CACNG5: variants seen among roughly 807,000 people sequenced by gnomAD.
The protein encoded by CACNG5 is calcium voltage-gated channel auxiliary subunit gamma 5.
A neutral mutation model predicts 24.8 loss-of-function variants in CACNG5; 18 were observed. The observed-to-expected ratio is 0.73, with a 90% CI of 0.50 to 1.08. The LOEUF (loss-of-function observed/expected upper bound fraction) is 1.08, where lower values mean the gene tolerates loss of function less well. Ranked by LOEUF, CACNG5 falls within the 50% of genes least tolerant of loss-of-function variation. The pLI, the probability that CACNG5 is intolerant of heterozygous loss-of-function variation, is 0.00. For missense variants in CACNG5, 349 were observed against 367.9 expected, an observed-to-expected ratio of 0.95 and a Z score of 0.42; for synonymous variants, 157 against 149.1, an observed-to-expected ratio of 1.05 and a Z score of -0.39.
intron 1 of CACNG5, among the ~76,000 whole-genome samples, chr17:66,859,643 G>T (rs1598051882): frequency 1.3e-5 from 2 of 152,232 alleles, no homozygotes; most frequent in South Asian, 4.1e-4. Context: ...AGCCAGATTG[G>T]TTTCCCTCCC....
intron 1 of CACNG5, among the ~76,000 whole-genome samples, chr17:66,865,220 G>A (rs1225725196): frequency 6.8e-6 from 1 of 148,008 alleles, no homozygotes; most frequent in Non-Finnish European, 1.5e-5. Flanking sequence ...ATTTTTTAAT[G>A]TTATTTTTGT....
Position 66,892,151 on chromosome 17 carries a change from G to A in CACNG5, c.*6911G>A, listed in dbSNP as rs549872982. On this transcript the variant is annotated 3_prime_UTR_variant, in exon 6 of 6. Transcript: ENST00000533854. Reference sequence around the variant, plus strand: ...AGAATGGTGCTGGGTGGACTCCTGAGGAGGTGGAAGCCCCAGGGACCTCCC... The same window carrying A: ...AGAATGGTGCTGGGTGGACTCCTGAAGAGGTGGAAGCCCCAGGGACCTCCC... 6.6e-6 allele frequency among the ~76,000 whole-genome samples: 1 copy of A among 152,332 alleles called. No homozygotes were observed. The highest frequency in any genetic ancestry group is 1.9e-4 in the East Asian group (1 of 5,188).
intron 2 of CACNG5, among the ~76,000 whole-genome samples, chr17:66,878,130 A>G (rs1169516618): frequency 1.3e-5 from 2 of 152,180 alleles, no homozygotes; most frequent in African/African-American, 4.8e-5. Context: ...CTACCTTTTT[A>G]CTCACTAGGG....
chr17:66,885,187 C>T lies in CACNG5; in HGVS notation c.775C>T (p.Pro259Ser). ...EASLQMNSNYPALLKCPDYDQ... is the reference protein window; with the variant it reads ...EASLQMNSNYSALLKCPDYDQ... Reference sequence around the variant, plus strand: ...CTCCCTGCAGATGAACAGCAACTACCCCGCCTTGCTCAAGTGCCCCGACTA... The same window carrying T: ...CTCCCTGCAGATGAACAGCAACTACTCCGCCTTGCTCAAGTGCCCCGACTA... The change falls in exon 6 of 6, where the codon CCC (proline) becomes TCC (serine). Residue 259 changes from proline to serine, a missense_variant. By Grantham distance (74) the Pro-to-Ser change is moderately conservative (BLOSUM62 -1). Transcript: ENST00000533854. The T allele has an allele frequency of 2.5e-6, 4 of 1,609,226 alleles. No homozygotes were observed. In the South Asian group the frequency reaches 4.4e-5, roughly 18 times the overall value.
At chr17:66,857,065 G>GTTTTT (rs56153121) in intron 1 of CACNG5, among the ~76,000 whole-genome samples, 127 of 94,034 alleles carry the variant, frequency 1.4e-3, no homozygotes, top group Non-Finnish European at 1.7e-3. Flanking sequence ...CAATTTTTAA[G>GTTTTT]TTTTTTTTTT....
Position 66,885,227 on chromosome 17 carries a change from C to A in CACNG5, c.815C>A (p.Ser272Tyr). ...TGCCCCGACTATGATCAGATGTCCT[C>A]TTCACCCTGCTGAGCCTCGGCCGCC... ...LKCPDYDQMSSSPC is the reference protein window; with the variant it reads ...LKCPDYDQMSYSPC The change falls in exon 6 of 6, where the codon TCT becomes TAT. Residue 272 changes from serine to tyrosine, a missense_variant. Physicochemically the swap from Ser to Tyr is moderately radical, Grantham distance 144. Transcript: ENST00000533854. 6.3e-7 allele frequency: 1 copy of A among 1,588,132 alleles called. No homozygotes were observed. Among genetic ancestry groups the A allele is most frequent in the Non-Finnish European group, 8.5e-7 (1 of 1,172,104 alleles).
intron 4 of CACNG5, 93 bp from the exon 5 acceptor site, chr17:66,884,423 T>C: frequency 7.3e-7 from 1 of 1,363,052 alleles, no homozygotes; most frequent in Non-Finnish European, 1.0e-6. Context: ...GCTGGTGGCT[T>C]TGCTCCTGAA....
At chr17:66,861,025 GCA>G (rs140020871) in intron 1 of CACNG5, among the ~76,000 whole-genome samples, 55 of 150,080 alleles carry the variant, frequency 3.7e-4, no homozygotes, top group East Asian at 7.8e-4. Context: ...GCACATGCAC[GCA>G]CACACACACA....
chr17:66,884,434 T>C (rs1225968603), intron 4 of CACNG5, 82 bp from the exon 5 acceptor site: 1 of 1,441,780 alleles, frequency 6.9e-7, no homozygotes, highest in African/African-American at 1.4e-5. Context: ...TGCTCCTGAA[T>C]TGCAAAGGGA....
chr17:66,882,533 C>T lies in CACNG5; in HGVS notation c.424+1836C>T, dbSNP rs550491736. On this transcript the variant is annotated intron_variant, in intron 4 of 5. Coordinates refer to ENST00000533854, the MANE Select transcript of CACNG5 (RefSeq NM_145811.3). ...TGTAGAGTGAGAAGGGGAAAGAAAA[C>T]AGCAAATAAAGGTGGGCTCTTTCTC... 1.1e-4 allele frequency among the ~76,000 whole-genome samples: 17 copies of T among 152,016 alleles called. 1 individual carries two copies. In the South Asian group the frequency reaches 3.5e-3, roughly 32 times the overall value.
In CACNG5 at chr17:66,890,577, C is replaced by G. The variant is rs1977328972; in HGVS notation, c.*5337C>G. Among the ~76,000 whole-genome samples the G allele has an allele frequency of 6.6e-6, 1 of 152,220 alleles. No individual in the cohort carries two copies. The highest frequency in any genetic ancestry group is 2.4e-5 in the African/African-American group (1 of 41,446). ...TTCTGGTGTGTGAAGCCAGGACTCC[C>G]TGTGTGCTCACTGTGGGGCTAAGGT... On this transcript the variant is annotated 3_prime_UTR_variant, in exon 6 of 6. Coordinates refer to ENST00000533854, the MANE Select transcript of CACNG5 (RefSeq NM_145811.3).
intron 1 of CACNG5, among the ~76,000 whole-genome samples, chr17:66,849,365 G>T (rs1976681553): frequency 1.3e-5 from 2 of 152,098 alleles, no homozygotes; most frequent in South Asian, 2.1e-4. Flanking sequence ...GAGGCCAGCA[G>T]GCCCGATGGA....
intron 1 of CACNG5, among the ~76,000 whole-genome samples, chr17:66,839,609 G>T (rs1045531630): frequency 1.3e-4 from 19 of 151,402 alleles, no homozygotes; most frequent in African/African-American, 4.6e-4. Flanking sequence ...GAGAGCGAGA[G>T]GGGGAGGTCT....
At chr17:66,854,331 G>A (rs1231745452) in intron 1 of CACNG5, among the ~76,000 whole-genome samples, 1 of 151,920 alleles carries the variant, frequency 6.6e-6, no homozygotes, top group East Asian at 1.9e-4. Flanking sequence ...GGGAGGCTGA[G>A]GCAGGAGAAT....
At position 66,885,279 on chromosome 17, in the gene CACNG5, AC is replaced by A. The variant is rs770926585; in HGVS notation, c.*40del. The A allele has an allele frequency of 8.5e-6, 13 of 1,536,914 alleles. No individual in the cohort carries two copies. The South Asian group carries it at 1.6e-4, about 19-fold the overall frequency. On this transcript the variant is annotated 3_prime_UTR_variant, in exon 6 of 6. Transcript: ENST00000533854. The stretch of plus-strand genomic sequence containing the variant: ...CCATCCCTGGACTGTGGGTGGCCAG[AC>A]AACCCTTCCTGTTCTCTCCAGGTGA...
intron 1 of CACNG5, among the ~76,000 whole-genome samples, chr17:66,838,181 A>G (rs1976509380): frequency 6.6e-6 from 1 of 151,862 alleles, no homozygotes; most frequent in African/African-American, 2.4e-5. Context: ...GCAAAATGAC[A>G]GAGTATACCC....
At position 66,886,743 on chromosome 17, in the gene CACNG5, G is replaced by A. The variant is rs990835433; in HGVS notation, c.*1503G>A. On this transcript the variant is annotated 3_prime_UTR_variant, in exon 6 of 6. Transcript: ENST00000533854. ...TGGAGAGGCGGTGTGTCAGGCAGCC[G>A]GGCTGCCGCAATGAACTACCACAGA... 3.3e-5 allele frequency among the ~76,000 whole-genome samples: 5 copies of A among 152,150 alleles called. No individual in the cohort carries two copies. Among genetic ancestry groups the A allele is most frequent in the Admixed American group, 6.5e-5 (1 of 15,280 alleles).
In CACNG5 at chr17:66,888,266, C is replaced by A. The variant is rs1183205531; in HGVS notation, c.*3026C>A. On this transcript the variant is annotated 3_prime_UTR_variant, in exon 6 of 6. Coordinates refer to ENST00000533854, the MANE Select transcript of CACNG5 (RefSeq NM_145811.3). ...TGTAAGAGTTAAAGAAAGAGGAGGC[C>A]TGGCGCAGTGGCTCATGCCTGTAAT... is the stretch of plus-strand genomic sequence containing the variant. Among the ~76,000 whole-genome samples the A allele has an allele frequency of 6.7e-6, 1 of 148,738 alleles. No homozygotes were observed. Among genetic ancestry groups the A allele is most frequent in the Non-Finnish European group, 1.5e-5 (1 of 67,534 alleles).
intron 1 of CACNG5, among the ~76,000 whole-genome samples, chr17:66,837,888 G>C (rs1057455371): frequency 1.3e-5 from 2 of 151,752 alleles, no homozygotes; most frequent in African/African-American, 4.8e-5. Flanking sequence ...AGGGGGAAGG[G>C]GCAGGCCTCA....
Sources: gnomAD v4.1 joint callset for allele counts (sites outside exome capture counted in the v4.1 genomes callset) on GRCh38, gnomAD v4.1.1 for gene constraint, MANE v1.5 for transcripts, NCBI Gene and HGNC (gene_info 2026-07-23, HGNC 2026-07-21) for gene names.